Variants in PCDH15 observed in about 807,000 individuals in gnomAD.
PCDH15 encodes protocadherin-15.
A neutral mutation model predicts 178.5 loss-of-function variants in PCDH15; 129 were observed. The observed-to-expected ratio is 0.72, with a 90% CI of 0.63 to 0.84. The LOEUF (loss-of-function observed/expected upper bound fraction) is 0.84. Among genes scored for constraint, PCDH15 ranks in the 40% least tolerant of loss-of-function variants. The probability of loss-of-function intolerance (pLI) is 0.00; values close to 1 mark genes in which losing one functional copy is unlikely to be tolerated. For missense variants in PCDH15, 2,230 were observed against 2,099.9 expected (o/e 1.06, Z -1.21); for synonymous variants, 800 against 732.0 (o/e 1.09, Z -1.50).
At chr10:54,900,813 T>C (rs777577115) in intron 2 of PCDH15, among the ~76,000 whole-genome samples, 1 of 152,142 alleles carries the variant, frequency 6.6e-6, no homozygotes, top group Non-Finnish European at 1.5e-5. Flanking sequence ...TGTCACAAAA[T>C]GTTTCAGTTT....
chr10:55,294,531 C>A (rs1201185943), intron 1 of PCDH15, among the ~76,000 whole-genome samples: 2 of 152,162 alleles, frequency 1.3e-5, no homozygotes. Flanking sequence ...TTCACCATTA[C>A]TGGAAAATAC....
chr10:55,110,185 T>C (rs1365743471), intron 2 of PCDH15, among the ~76,000 whole-genome samples: 1 of 152,000 alleles, frequency 6.6e-6, no homozygotes, highest in Non-Finnish European at 1.5e-5. Flanking sequence ...ATAAGGGCTG[T>C]ATATGTTTTG....
intron 1 of PCDH15, among the ~76,000 whole-genome samples, chr10:55,170,507 A>C (rs551004488): frequency 3.3e-5 from 5 of 152,200 alleles, no homozygotes; most frequent in Admixed American, 1.3e-4. Flanking sequence ...TTTCCGAATG[A>C]AGGAAAAGAG....
chr10:53,959,772 G>A lies in PCDH15; in HGVS notation c.3082C>T (p.His1028Tyr), dbSNP rs1224155606. The change falls in exon 23 of 38, where the codon CAT becomes TAT. Residue 1028 changes from histidine to tyrosine, a missense_variant. Coordinates refer to ENST00000644397, the MANE Select transcript of PCDH15 (RefSeq NM_001384140.1). Reference protein sequence around the residue: ...SSATVKILVLHPGEIPRFTQE... With the variant: ...SSATVKILVLYPGEIPRFTQE... The stretch of plus-strand genomic sequence containing the variant: ...GTGAAGCGTGGGATCTCACCAGGAT[G>A]TAAGACAAGAATCTTCACTGTGGCA... The A allele has an allele frequency of 6.2e-7, 1 of 1,614,010 alleles. No homozygotes were observed. Among genetic ancestry groups the A allele is most frequent in the East Asian group, 2.2e-5 (1 of 44,854 alleles).
intron 21 of PCDH15, among the ~76,000 whole-genome samples, chr10:53,991,961 G>A (rs1361903531): frequency 2.0e-5 from 3 of 152,080 alleles, no homozygotes; most frequent in South Asian, 2.1e-4. Context: ...ACCCGCTCGG[G>A]TCCCCTTCCA....
chr10:54,734,331 G>T (rs1173831674), intron 1 of PCDH15, among the ~76,000 whole-genome samples: 1 of 151,786 alleles, frequency 6.6e-6, no homozygotes, highest in Non-Finnish European at 1.5e-5. Context: ...GTCATTAGGG[G>T]CATGCAAATT....
At chr10:54,627,387 G>A (rs1056918639) in intron 2 of PCDH15, among the ~76,000 whole-genome samples, 1 of 152,082 alleles carries the variant, frequency 6.6e-6, no homozygotes, top group Non-Finnish European at 1.5e-5. Context: ...TTGAATCATG[G>A]GGGCAGATCT....
intron 2 of PCDH15, among the ~76,000 whole-genome samples, chr10:55,484,104 A>G (rs944610158): frequency 6.6e-6 from 1 of 151,740 alleles, no homozygotes; most frequent in African/African-American, 2.4e-5. Context: ...ACACATGGAC[A>G]CTGAGAGGGG....
chr10:53,817,963 T>A (rs2076125827), intron 34 of PCDH15, 32 bp downstream of exon 34: 3 of 398,596 alleles, frequency 7.5e-6, no homozygotes, highest in Non-Finnish European at 1.3e-5. Flanking sequence ...CCTAGTATGC[T>A]TGTTACGACA....
At chr10:55,166,187 C>G (rs1361622778) in intron 2 of PCDH15, among the ~76,000 whole-genome samples, 1 of 152,082 alleles carries the variant, frequency 6.6e-6, no homozygotes, top group Non-Finnish European at 1.5e-5. Context: ...AGCCATCGAC[C>G]TGATGGCCCT....
intron 2 of PCDH15, among the ~76,000 whole-genome samples, chr10:55,483,563 C>T (rs1840230431): frequency 6.6e-6 from 1 of 151,736 alleles, no homozygotes; most frequent in South Asian, 2.1e-4. Context: ...TTGTAGAAGA[C>T]AGTGTGGCAA....
intron 2 of PCDH15, among the ~76,000 whole-genome samples, chr10:54,536,981 TG>T (rs1354955215): frequency 1.4e-5 from 2 of 146,646 alleles, no homozygotes; most frequent in Non-Finnish European, 3.0e-5. Context: ...GACTATTTGG[TG>T]GAACAATTTG....
At chr10:54,240,991 C>T (rs1201219797) in intron 8 of PCDH15, among the ~76,000 whole-genome samples, 1 of 152,076 alleles carries the variant, frequency 6.6e-6, no homozygotes, top group African/African-American at 2.4e-5. Context: ...ATTATTCTTG[C>T]CCATGAATTG....
chr10:54,465,430 CATACTAGTCT>C (rs2077452752), intron 3 of PCDH15, among the ~76,000 whole-genome samples: 5 of 151,984 alleles, frequency 3.3e-5, no homozygotes, highest in Admixed American at 2.6e-4. Context: ...TGGCATCTAG[CATACTAGTCT>C]ATACCTTCAT....
intron 15 of PCDH15, among the ~76,000 whole-genome samples, chr10:54,109,851 T>A (rs2094983521): frequency 6.6e-6 from 1 of 152,136 alleles, no homozygotes; most frequent in Non-Finnish European, 1.5e-5. Flanking sequence ...GTATAATCAG[T>A]TTTTTTGTAA....
intron 8 of PCDH15, among the ~76,000 whole-genome samples, chr10:54,240,574 C>G (rs982824075): frequency 3.4e-5 from 5 of 147,042 alleles, no homozygotes; most frequent in Admixed American, 2.7e-4. Flanking sequence ...TGTGTTGGCT[C>G]TCTTAGAGAC....
At chr10:55,043,560 A>T (rs1475710963) in intron 2 of PCDH15, among the ~76,000 whole-genome samples, 1 of 151,798 alleles carries the variant, frequency 6.6e-6, no homozygotes, top group Non-Finnish European at 1.5e-5. Flanking sequence ...AATAAAAAAA[A>T]ATAACTTGTC....
At chr10:54,516,096 T>C (rs1387897719) in intron 3 of PCDH15, among the ~76,000 whole-genome samples, 1 of 152,014 alleles carries the variant, frequency 6.6e-6, no homozygotes, top group Non-Finnish European at 1.5e-5. Context: ...GCGCCTCTCC[T>C]CCTCCAAAGG....
In PCDH15 at chr10:54,287,735, TTC is replaced by T. The variant is rs530010162; in HGVS notation, c.876+29534_876+29535del. Among the ~76,000 whole-genome samples, 27 of 152,314 alleles carry T rather than the reference TTC, an allele frequency of 1.8e-4. No individual in the cohort carries two copies. In the South Asian group the frequency reaches 5.6e-3, roughly 32 times the overall value. Reference sequence around the variant, plus strand: ...ATTCTGACAAGATTAATATACTAATTTCTCTGTCATTAGTTTCATTAACAGAT... The same window carrying T: ...ATTCTGACAAGATTAATATACTAATTTCTGTCATTAGTTTCATTAACAGAT... On this transcript the variant is annotated intron_variant, in intron 8 of 37. Coordinates refer to ENST00000644397, the MANE Select transcript of PCDH15 (RefSeq NM_001384140.1).
Sources: allele counts gnomAD v4.1 joint callset (sites outside exome capture counted in the v4.1 genomes callset), GRCh38; gene constraint gnomAD v4.1.1; transcripts MANE v1.5; gene names NCBI Gene and HGNC (gene_info 2026-07-23, HGNC 2026-07-21).